Variants in ZNF250 observed in about 807,000 individuals in gnomAD.
ZNF250 encodes the protein zinc finger protein (clone 647).
In ZNF250, 13 loss-of-function variants were observed where a neutral mutation model predicts 37.1. The observed-to-expected ratio is 0.35, with a 90% confidence interval of 0.23 to 0.56. ZNF250 has a LOEUF of 0.56. ZNF250 is among the 20% of genes least tolerant of loss of function. The pLI, the probability that ZNF250 is intolerant of heterozygous loss-of-function variation, is 0.87. For synonymous variants in ZNF250, 251 were observed against 265.6 expected (o/e 0.94, Z 0.54); for missense variants, 474 against 697.9 (o/e 0.68, Z 3.61).
At chr8:144,886,277 C>A (rs1297191728) in intron 5 of ZNF250, among the ~76,000 whole-genome samples, 4 of 151,964 alleles carry the variant, frequency 2.6e-5, no homozygotes, top group African/African-American at 9.7e-5. Flanking sequence ...TTGAGACCAG[C>A]TTGGGCAACA....
intron 5 of ZNF250, among the ~76,000 whole-genome samples, chr8:144,884,058 T>C (rs1054694960): frequency 1.3e-5 from 2 of 151,820 alleles, no homozygotes; most frequent in Non-Finnish European, 2.9e-5. Context: ...CATTATTATA[T>C]TTTATTTTAC....
Position 144,881,811 on chromosome 8 carries a change from G to A in ZNF250, c.1372C>T (p.Arg458Cys), listed in dbSNP as rs1463696777. Residue 458 changes from arginine to cysteine, a missense_variant, in exon 6 of 6, where the codon CGC (arginine) becomes TGC (cysteine). Transcript: ENST00000417550. ...CGECGHAFSA[R>C]RSLIQHERIH... is the part of the protein sequence containing the mutation. ...CTCTCATGCTGGATCAGAGACCGGCGTGCACTGAAGGCGTGCCCACATTCA... is the reference window on the plus strand; with the variant it reads ...CTCTCATGCTGGATCAGAGACCGGCATGCACTGAAGGCGTGCCCACATTCA... 5 of 1,613,998 alleles carry A rather than the reference G, an allele frequency of 3.1e-6. No homozygotes were observed. The highest frequency in any genetic ancestry group is 2.2e-5 in the East Asian group (1 of 44,888).
intron 4 of ZNF250, among the ~76,000 whole-genome samples, chr8:144,888,483 G>C (rs931009853): frequency 2.6e-5 from 4 of 151,126 alleles, no homozygotes; most frequent in African/African-American, 9.7e-5. Flanking sequence ...TGTAATCCCA[G>C]CTATTCGAGA....
At chr8:144,898,482 T>A (rs1832873660) in intron 1 of ZNF250, among the ~76,000 whole-genome samples, 1 of 152,042 alleles carries the variant, frequency 6.6e-6, no homozygotes, top group Non-Finnish European at 1.5e-5. Flanking sequence ...AGAGTCCCTA[T>A]AAAGAAAACT....
chr8:144,884,082 T>A (rs7826460), intron 5 of ZNF250, among the ~76,000 whole-genome samples: 4,430 of 152,210 alleles, frequency 0.029, 209 homozygotes, highest in African/African-American at 0.1. Context: ...GTTATGCGTG[T>A]TTCTGAGCTT....
rs1019030910 is a variant in ZNF250 at position 144,901,238 on chromosome 8, G to A, written c.-55+161C>T. On this transcript the variant is annotated intron_variant, in intron 1 of 5. Transcript: ENST00000417550. The surrounding 1 kb of genome is among the most constrained non-coding windows in gnomAD (Gnocchi z 5.4). ...GAGGGCGCGGCCTTGGCCCTGGGGA[G>A]GAGGCCGCCGCGCGTCCGTGAGGGG... The A allele has an allele frequency of 1.7e-4, 26 of 152,464 alleles. No homozygotes were observed. Among genetic ancestry groups the A allele is most frequent in the African/African-American group, 5.3e-4 (22 of 41,464 alleles). The allele number at this position is 152,464 out of a possible 1,614,324, so 9.4% of individuals were successfully genotyped here.
chr8:144,885,262 G>C (rs1831789312), intron 5 of ZNF250, among the ~76,000 whole-genome samples: 1 of 152,118 alleles, frequency 6.6e-6, no homozygotes, highest in African/African-American at 2.4e-5. Flanking sequence ...TGGGATTACA[G>C]GCATGTGCCA....
In ZNF250 at chr8:144,886,862, T is replaced by C. The variant is rs763768173; in HGVS notation, c.324A>G (p.Gln108=). 1 of 1,608,910 alleles carries C rather than the reference T, an allele frequency of 6.2e-7. No individual in the cohort carries two copies. The highest frequency in any genetic ancestry group is 8.5e-7 in the Non-Finnish European group (1 of 1,179,034). Reference sequence around the variant, plus strand: ...TACCCCATGGACAAGATAAACTGTCTTGTTGTGTACAGGCTGTAGTGTGGT... The same window carrying C: ...TACCCCATGGACAAGATAAACTGTCCTGTTGTGTACAGGCTGTAGTGTGGT... The part of the protein sequence containing the change: ...KYDHTTACTQ[Q]DSLSCPWECE... The change falls in exon 5 of 6, where the codon CAA becomes CAG. Residue 108 remains glutamine (Q), a synonymous_variant. Transcript: ENST00000417550.
Position 144,881,405 on chromosome 8 carries a change from C to A in ZNF250, c.*110G>T. The A allele has an allele frequency of 7.0e-7, 1 of 1,424,938 alleles. No individual in the cohort carries two copies. The allele number at this position is 1,424,938 out of a possible 1,614,324, so 88.3% of individuals were successfully genotyped here. On this transcript the variant is annotated 3_prime_UTR_variant, in exon 6 of 6. Transcript: ENST00000417550. ...CTGGAGTTATTTTGTGACACTGAATCGCCAAAGAAAAGCTTCCTATAGAGT... is the reference window on the plus strand; with the variant it reads ...CTGGAGTTATTTTGTGACACTGAATAGCCAAAGAAAAGCTTCCTATAGAGT...
In ZNF250 at chr8:144,886,839, C is replaced by T; in HGVS notation, c.346+1G>A. On this transcript the variant is annotated splice_donor_variant, in intron 5 of 5. Coordinates refer to ENST00000417550, the MANE Select transcript of ZNF250 (RefSeq NM_001109689.4). LOFTEE classifies it high-confidence loss of function. ...ATTAAAAAGATCAGGCATACACTTA[C>T]CCCATGGACAAGATAAACTGTCTTG... 2 of 1,612,772 alleles carry T rather than the reference C, an allele frequency of 1.2e-6. No individual in the cohort carries two copies. The highest frequency in any genetic ancestry group is 1.7e-6 in the Non-Finnish European group (2 of 1,178,938).
intron 1 of ZNF250, chr8:144,895,134 A>G (rs1832624580): frequency 6.6e-6 from 1 of 152,226 alleles, no homozygotes; most frequent in Non-Finnish European, 1.5e-5. Context: ...GCCCTTGGAT[A>G]GTGGGTACCT....
At chr8:144,886,092 G>T (rs1404071646) in intron 5 of ZNF250, among the ~76,000 whole-genome samples, 1 of 143,564 alleles carries the variant, frequency 7.0e-6, no homozygotes, top group Non-Finnish European at 1.5e-5. Context: ...GTGAGAGCCT[G>T]TCTAAAAAAA....
intron 1 of ZNF250, among the ~76,000 whole-genome samples, chr8:144,893,719 A>G (rs550625231): frequency 6.6e-6 from 1 of 152,250 alleles, no homozygotes; most frequent in East Asian, 1.9e-4. Flanking sequence ...CTACGGACCA[A>G]TCACACCTGG....
chr8:144,882,270 G>A lies in ZNF250; in HGVS notation c.913C>T (p.Pro305Ser). 1 of 1,613,980 alleles carries A rather than the reference G, an allele frequency of 6.2e-7. No individual in the cohort carries two copies. Among genetic ancestry groups the A allele is most frequent in the South Asian group, 1.1e-5 (1 of 91,046 alleles). Residue 305 changes from proline (P) to serine (S), a missense_variant, in exon 6 of 6, where the codon CCA becomes TCA. By Grantham distance (74) the Pro-to-Ser change is moderately conservative. Coordinates refer to ENST00000417550, the MANE Select transcript of ZNF250 (RefSeq NM_001109689.4). This position sits in a 1 kb window ranked among gnomAD's most constrained non-coding sequence, Gnocchi z 5.5. ...QHQRIHTGER[P>S]YVCPLCGKAF... ...TTCCCACACAACGGACACACATATG[G>A]CCTTTCTCCCGTGTGGATCCGCTGG... is the stretch of plus-strand genomic sequence containing the variant.
chr8:144,881,426 A>C lies in ZNF250; in HGVS notation c.*89T>G. On this transcript the variant is annotated 3_prime_UTR_variant, in exon 6 of 6. Transcript: ENST00000417550. ...GAATCGCCAAAGAAAAGCTTCCTAT[A>C]GAGTTAACAGAGACTTCTCTTGGGC... 2 of 1,465,748 alleles carry C rather than the reference A, an allele frequency of 1.4e-6. No individual in the cohort carries two copies. Among genetic ancestry groups the C allele is most frequent in the Non-Finnish European group, 1.8e-6 (2 of 1,106,334 alleles). 90.8% of individuals were successfully genotyped at this position (1,465,748 alleles called of 1,614,324 possible).
chr8:144,899,651 T>C (rs1029000498), intron 1 of ZNF250, among the ~76,000 whole-genome samples: 11 of 152,250 alleles, frequency 7.2e-5, no homozygotes, highest in Admixed American at 5.9e-4. Flanking sequence ...ATCAAAATCA[T>C]ATGCACATCA....
At position 144,890,926 on chromosome 8, in the gene ZNF250, G is replaced by A. The variant is rs565651508; in HGVS notation, c.-54-523C>T. On this transcript the variant is annotated intron_variant, in intron 1 of 5. Coordinates refer to ENST00000417550, the MANE Select transcript of ZNF250 (RefSeq NM_001109689.4). The surrounding 1 kb of genome is among the most constrained non-coding windows in gnomAD (Gnocchi z 5.1). ...CCCTAGTGCCCCAATGTGGCACCAG[G>A]TTCAACCAGGTATTTGAAGGGGAGG... 6.6e-6 allele frequency among the ~76,000 whole-genome samples: 1 copy of A among 152,154 alleles called. No homozygotes were observed. The highest frequency in any genetic ancestry group is 1.5e-5 in the Non-Finnish European group (1 of 68,028).
chr8:144,885,887 C>T (rs1831840569), intron 5 of ZNF250, among the ~76,000 whole-genome samples: 1 of 152,068 alleles, frequency 6.6e-6, no homozygotes, highest in African/African-American at 2.4e-5. Flanking sequence ...GGGAGGATCA[C>T]TTGAGGCCAG....
At position 144,889,701 on chromosome 8, in the gene ZNF250, G is replaced by A. The variant is rs538394647; in HGVS notation, c.170-7C>T. 736 of 1,612,424 alleles carry A rather than the reference G, an allele frequency of 4.6e-4. 9 individuals are homozygous for A. In the South Asian group the frequency reaches 7.7e-3, roughly 17 times the overall value. ...GGCTTGGATCCTGGAAGTCCTGCTC[G>A]TGGGGAGGGAAGTCTTTGTTTACAC... is the stretch of plus-strand genomic sequence containing the variant. On this transcript the variant is annotated splice_region_variant and splice_polypyrimidine_tract_variant and intron_variant, in intron 3 of 5. Transcript: ENST00000417550.
Sources: gnomAD v4.1 joint callset for allele counts (sites outside exome capture counted in the v4.1 genomes callset) on GRCh38, gnomAD v4.1.1 for gene constraint, Gnocchi (gnomAD v3.1) non-coding constraint, MANE v1.5 for transcripts, NCBI Gene and HGNC (gene_info 2026-07-23, HGNC 2026-07-21) for gene names.